ZFHX3: variants seen among roughly 807,000 people sequenced by gnomAD.
ZFHX3 encodes the protein zinc finger homeobox 3.
ZFHX3 carries 42 observed loss-of-function variants against 279.1 expected under a neutral mutation model. That is an observed-to-expected ratio of 0.15 (90% CI 0.12 to 0.19). The LOEUF (loss-of-function observed/expected upper bound fraction) is 0.19, where lower values mean the gene tolerates loss of function less well. Ranked by LOEUF, ZFHX3 falls within the 10% of genes least tolerant of loss-of-function variation. The pLI, the probability that ZFHX3 is intolerant of heterozygous loss-of-function variation, is 1.00. For synonymous variants in ZFHX3, 2,293 were observed against 1,957.8 expected (o/e 1.17, Z -4.52); for missense variants, 4,981 against 4,754.0 (o/e 1.05, Z -1.40).
intron 3 of ZFHX3, among the ~76,000 whole-genome samples, chr16:73,448,531 G>A (rs923897479): frequency 3.3e-5 from 5 of 152,166 alleles, no homozygotes; most frequent in South Asian, 2.1e-4. Flanking sequence ...GCTTGAGAAA[G>A]TCTTTAGTGA....
At chr16:73,155,032 G>C (rs1967039813) in intron 5 of ZFHX3, among the ~76,000 whole-genome samples, 1 of 151,880 alleles carries the variant, frequency 6.6e-6, no homozygotes, top group South Asian at 2.1e-4. Flanking sequence ...AAATTAGCTT[G>C]GCATGGTGGC....
intron 5 of ZFHX3, among the ~76,000 whole-genome samples, chr16:73,157,672 G>T (rs1022792881): frequency 1.3e-5 from 2 of 152,058 alleles, no homozygotes; most frequent in Non-Finnish European, 2.9e-5. Flanking sequence ...TGGGATATTT[G>T]TAATTTTGAA....
intron 1 of ZFHX3, among the ~76,000 whole-genome samples, chr16:73,869,726 A>G (rs970567193): frequency 6.6e-6 from 1 of 152,226 alleles, no homozygotes; most frequent in Non-Finnish European, 1.5e-5. Flanking sequence ...ACCCCAATAT[A>G]AAGCTGTGGA....
intron 1 of ZFHX3, among the ~76,000 whole-genome samples, chr16:73,738,852 C>A (rs545952416): frequency 6.6e-6 from 1 of 152,252 alleles, no homozygotes; most frequent in South Asian, 2.1e-4. Flanking sequence ...TGAGGAGGCA[C>A]CCGTGGAAGA....
At chr16:73,868,483 C>A (rs1336833772) in intron 1 of ZFHX3, among the ~76,000 whole-genome samples, 1 of 152,220 alleles carries the variant, frequency 6.6e-6, no homozygotes, top group Non-Finnish European at 1.5e-5. Flanking sequence ...GAGATCACGC[C>A]ACTGCACTCC....
chr16:73,175,315 G>A (rs545555360), intron 5 of ZFHX3, among the ~76,000 whole-genome samples: 3 of 152,292 alleles, frequency 2.0e-5, no homozygotes, highest in Admixed American at 6.5e-5. Flanking sequence ...AGGAGGTGGA[G>A]GCTGCAGTGA....
At chr16:73,753,470 C>A (rs958082498) in intron 1 of ZFHX3, among the ~76,000 whole-genome samples, 2 of 152,172 alleles carry the variant, frequency 1.3e-5, no homozygotes, top group Non-Finnish European at 2.9e-5. Flanking sequence ...TCCTAAATAA[C>A]CCTTCCCTCA....
intron 1 of ZFHX3, among the ~76,000 whole-genome samples, chr16:73,714,006 C>T (rs1028067543): frequency 2.0e-5 from 3 of 152,160 alleles, no homozygotes; most frequent in African/African-American, 7.2e-5. Flanking sequence ...CTGGCACCAG[C>T]TTGATGTATG....
chr16:73,264,749 C>T lies in ZFHX3; in HGVS notation c.-1193-7613G>A, dbSNP rs563085586. 1.8e-4 allele frequency among the ~76,000 whole-genome samples: 27 copies of T among 152,162 alleles called. 1 individual carries two copies. Among genetic ancestry groups the T allele is most frequent in the Admixed American group, 1.1e-3 (17 of 15,284 alleles). On this transcript the variant is annotated intron_variant, in intron 4 of 17. Coordinates refer to the ZFHX3 transcript ENST00000641206. ...CTTACATCCTTCCCAAGCTTTCCCC[C>T]TGAGTCCCCAAAGTCCATTGTATCA... is the stretch of plus-strand genomic sequence containing the variant.
At chr16:73,188,848 G>T (rs1344508549) in intron 5 of ZFHX3, among the ~76,000 whole-genome samples, 8 of 149,126 alleles carry the variant, frequency 5.4e-5, no homozygotes, top group Non-Finnish European at 8.9e-5. Flanking sequence ...GGAGGCTAGC[G>T]TCTGGATATT....
At chr16:73,046,443 G>A (rs1425980061) in intron 1 of ZFHX3, among the ~76,000 whole-genome samples, 1 of 152,118 alleles carries the variant, frequency 6.6e-6, no homozygotes, top group Non-Finnish European at 1.5e-5. Context: ...CCCCACCACA[G>A]CACTCTCGTG....
intron 2 of ZFHX3, among the ~76,000 whole-genome samples, chr16:73,484,097 G>A (rs1456328966): frequency 6.6e-6 from 1 of 152,044 alleles, no homozygotes; most frequent in Non-Finnish European, 1.5e-5. Context: ...TGTTGCCCGA[G>A]CCCAGGGGCT....
At chr16:73,236,015 C>T (rs1387077221) in intron 5 of ZFHX3, among the ~76,000 whole-genome samples, 1 of 152,188 alleles carries the variant, frequency 6.6e-6, no homozygotes, top group African/African-American at 2.4e-5. Context: ...TTAAGTGAAA[C>T]ATATTTGCAA....
At position 72,926,820 on chromosome 16, in the gene ZFHX3, C is replaced by T. The variant is rs182062174; in HGVS notation, c.3216+23649G>A. 2.9e-4 allele frequency among the ~76,000 whole-genome samples: 44 copies of T among 152,338 alleles called. No individual in the cohort carries two copies. The East Asian group carries it at 7.9e-3, about 27-fold the overall frequency. On this transcript the variant is annotated intron_variant, in intron 3 of 9. Coordinates refer to ENST00000268489, the MANE Select transcript of ZFHX3 (RefSeq NM_006885.4). ...CTCCTGGCCCGTTCTCTGGGTCTAT[C>T]CTGGCCAACCTCCTCTGGGCACAGC...
At chr16:73,714,786 C>T (rs1407655146) in intron 1 of ZFHX3, among the ~76,000 whole-genome samples, 1 of 151,878 alleles carries the variant, frequency 6.6e-6, no homozygotes, top group Non-Finnish European at 1.5e-5. Context: ...TTGGTGTAGT[C>T]TCCCTTTTGT....
At chr16:73,650,869 G>A (rs1597047554) in intron 2 of ZFHX3, among the ~76,000 whole-genome samples, 1 of 152,076 alleles carries the variant, frequency 6.6e-6, no homozygotes, top group East Asian at 1.9e-4. Context: ...AGAATAAAAA[G>A]AAATGCAAGT....
At chr16:72,934,907 A>T (rs1960038370) in intron 3 of ZFHX3, among the ~76,000 whole-genome samples, 1 of 152,202 alleles carries the variant, frequency 6.6e-6, no homozygotes, top group Admixed American at 6.5e-5. Flanking sequence ...TGGATTACGA[A>T]ATCAGGATCA....
chr16:73,235,174 A>G (rs1043076939), intron 5 of ZFHX3, among the ~76,000 whole-genome samples: 3 of 152,080 alleles, frequency 2.0e-5, no homozygotes, highest in African/African-American at 7.2e-5. Flanking sequence ...GGTTCAAGCA[A>G]TTCTCCTGCC....
At chr16:73,663,957 A>G (rs1267539841) in intron 2 of ZFHX3, among the ~76,000 whole-genome samples, 1 of 152,248 alleles carries the variant, frequency 6.6e-6, no homozygotes, top group African/African-American at 2.4e-5. Context: ...CATCGAGCTC[A>G]GAGGAACTTT....
Sources: allele counts gnomAD v4.1 joint callset (sites outside exome capture counted in the v4.1 genomes callset), GRCh38; gene constraint gnomAD v4.1.1; transcripts MANE v1.5; gene names NCBI Gene and HGNC (gene_info 2026-07-23, HGNC 2026-07-21).